WDR49: variants seen among roughly 807,000 people sequenced by gnomAD.
The protein encoded by WDR49 is cilia- and flagella-associated protein 337.
Under a neutral mutation model 119.5 loss-of-function variants are expected in WDR49, and 107 were observed. That is an observed-to-expected ratio of 0.90 (90% CI 0.77 to 1.05). The LOEUF is 1.05. Ranked by LOEUF, WDR49 falls within the 50% of genes least tolerant of loss-of-function variation. The pLI is 0.00. For synonymous variants in WDR49, 425 were observed against 418.8 expected, an observed-to-expected ratio of 1.01 and a Z score of -0.18; for missense variants, 1,240 against 1,220.5, an observed-to-expected ratio of 1.02 and a Z score of -0.24.
chr3:167,520,751 A>T (rs1752405913), intron 16 of WDR49, among the ~76,000 whole-genome samples: 1 of 152,164 alleles, frequency 6.6e-6, no homozygotes, highest in Non-Finnish European at 1.5e-5. Flanking sequence ...TGCCAAAATG[A>T]GGTGGTTAGA....
chr3:167,566,796 T>A (rs1713628156), intron 8 of WDR49: 1 of 614,462 alleles, frequency 1.6e-6, no homozygotes, highest in Admixed American at 2.6e-5. Flanking sequence ...AAAATGTTAT[T>A]AAGAAAATTA....
chr3:167,573,118 G>C (rs562715793), intron 8 of WDR49, among the ~76,000 whole-genome samples: 1 of 152,210 alleles, frequency 6.6e-6, no homozygotes, highest in South Asian at 2.1e-4. Context: ...ACCCTTACAG[G>C]GCTGGCAGCA....
intron 18 of WDR49, among the ~76,000 whole-genome samples, chr3:167,493,870 C>T (rs953664194): frequency 4.6e-5 from 7 of 152,140 alleles, no homozygotes; most frequent in Non-Finnish European, 1.0e-4. Flanking sequence ...AAACTAATGT[C>T]ATTTTCTAAC....
At chr3:167,627,839 T>C (rs1309541019) in intron 2 of WDR49, among the ~76,000 whole-genome samples, 3 of 152,116 alleles carry the variant, frequency 2.0e-5, no homozygotes, top group African/African-American at 7.2e-5. Flanking sequence ...TTTTGCTTTA[T>C]TGTACTTTGC....
At chr3:167,605,237 G>A (rs886874560) in intron 5 of WDR49, among the ~76,000 whole-genome samples, 8 of 152,208 alleles carry the variant, frequency 5.3e-5, no homozygotes, top group African/African-American at 1.9e-4. Context: ...CAATTGGGCT[G>A]TTTCTAAAGG....
At position 167,548,767 on chromosome 3, in the gene WDR49, T is replaced by C. The variant is rs182658176; in HGVS notation, c.1823+5883A>G. Among the ~76,000 whole-genome samples, 218 of 152,282 alleles carry C rather than the reference T, an allele frequency of 1.4e-3. 5 individuals are homozygous for C. The East Asian group carries it at 0.031, about 21-fold the overall frequency. On this transcript the variant is annotated intron_variant, in intron 10 of 18. Coordinates refer to ENST00000682715, the MANE Select transcript of WDR49 (RefSeq NM_001366157.1). ...TGCAGGTTTGTTACATATGTATACATGTGCCATGTTGGTGTGCTGCACCCA... is the reference window on the plus strand; with the variant it reads ...TGCAGGTTTGTTACATATGTATACACGTGCCATGTTGGTGTGCTGCACCCA...
In WDR49 at chr3:167,478,819, T is replaced by G. The variant is rs937005698; in HGVS notation, c.*59A>C. On this transcript the variant is annotated 3_prime_UTR_variant, in exon 19 of 19. Coordinates refer to ENST00000682715, the MANE Select transcript of WDR49 (RefSeq NM_001366157.1). ...ATAAAATAAAAGGCAGAATTCTTGATGCTTTTTCTGCATTTTATATCTGTA... is the reference window on the plus strand; with the variant it reads ...ATAAAATAAAAGGCAGAATTCTTGAGGCTTTTTCTGCATTTTATATCTGTA... The G allele has an allele frequency of 3.4e-6, 4 of 1,189,936 alleles. No individual in the cohort carries two copies. Among genetic ancestry groups the G allele is most frequent in the Middle Eastern group, 2.4e-4 (1 of 4,150 alleles). The allele number at this position is 1,189,936 out of a possible 1,614,324, so 73.7% of individuals were successfully genotyped here.
Position 167,522,326 on chromosome 3 carries a change from G to A in WDR49, c.2763C>T (p.Asp921=), listed in dbSNP as rs1485703772. The change falls in exon 16 of 19, where the codon GAC becomes GAT. Residue 921 remains aspartate, a synonymous_variant. Transcript: ENST00000682715. ...HSLLNKKNKD[D]STYNVRPSED... ...TCAAAATTACTTACTTGTATGTTGA[G>A]TCATCTTTGTTTTTCTTATTAAGTA... 3.2e-6 allele frequency: 5 copies of A among 1,584,406 alleles called. No homozygotes were observed. The highest frequency in any genetic ancestry group is 1.2e-5 in the South Asian group (1 of 85,170).
chr3:167,502,066 G>A (rs1023499882), intron 17 of WDR49, among the ~76,000 whole-genome samples: 1 of 152,130 alleles, frequency 6.6e-6, no homozygotes, highest in African/African-American at 2.4e-5. Context: ...ATTGTTTGGT[G>A]CCATTCCCTT....
chr3:167,568,367 C>T, intron 8 of WDR49, among the ~76,000 whole-genome samples: 1 of 152,180 alleles, frequency 6.6e-6, no homozygotes, highest in East Asian at 1.9e-4. Flanking sequence ...TGTATAATAA[C>T]TGCTCATTCT....
In WDR49 at chr3:167,487,429, G is replaced by T. The variant is rs148892933; in HGVS notation, c.3032-8433C>A. On this transcript the variant is annotated intron_variant, in intron 18 of 18. Transcript: ENST00000682715. ...AAGACCCCAAACTGGAAAAATTCTG[G>T]AAGAAAATCTAGGATATACCCTTCC... Among the ~76,000 whole-genome samples the T allele has an allele frequency of 4.1e-3, 623 of 152,114 alleles. 3 individuals carry two copies. Among genetic ancestry groups the T allele is most frequent in the African/African-American group, 0.014 (582 of 41,508 alleles).
At chr3:167,586,271 G>C (rs1714809137) in intron 7 of WDR49, among the ~76,000 whole-genome samples, 1 of 152,124 alleles carries the variant, frequency 6.6e-6, no homozygotes, top group African/African-American at 2.4e-5. Context: ...TTTGACATAG[G>C]CTTCAAAAAT....
At chr3:167,535,739 A>G (rs1056862920) in intron 11 of WDR49, among the ~76,000 whole-genome samples, 2 of 152,180 alleles carry the variant, frequency 1.3e-5, no homozygotes, top group African/African-American at 2.4e-5. Context: ...CTACTGGGTA[A>G]GGAAATGAAA....
Position 167,508,372 on chromosome 3 carries a change from C to A in WDR49, c.2775-2956G>T, listed in dbSNP as rs141131130. Among the ~76,000 whole-genome samples the A allele has an allele frequency of 2.5e-4, 38 of 152,208 alleles. 2 individuals carry two copies. The East Asian group carries it at 7.1e-3, about 29-fold the overall frequency. On this transcript the variant is annotated intron_variant, in intron 16 of 18. Coordinates refer to ENST00000682715, the MANE Select transcript of WDR49 (RefSeq NM_001366157.1). The stretch of plus-strand genomic sequence containing the variant: ...CTAGTTCACCTCTTGGTTGGTTGAC[C>A]TTGTGCAAATCTGTTAACTTCTCCG...
chr3:167,576,778 G>C (rs1332517387), intron 7 of WDR49, among the ~76,000 whole-genome samples: 1 of 152,106 alleles, frequency 6.6e-6, no homozygotes, highest in Non-Finnish European at 1.5e-5. Context: ...AAATAAATTT[G>C]TGCTGTTTCA....
At chr3:167,502,366 T>C (rs577851913) in intron 17 of WDR49, among the ~76,000 whole-genome samples, 1 of 152,172 alleles carries the variant, frequency 6.6e-6, no homozygotes, top group East Asian at 1.9e-4. Context: ...ACACAGAAAA[T>C]TGGTAACAAG....
chr3:167,638,625 T>C (rs1412722537), intron 2 of WDR49, among the ~76,000 whole-genome samples: 2 of 151,528 alleles, frequency 1.3e-5, no homozygotes, highest in Admixed American at 6.6e-5. Flanking sequence ...GTTTATATCA[T>C]CCCCTGCAAT....
chr3:167,541,474 G>T (rs1408163287), intron 10 of WDR49, among the ~76,000 whole-genome samples: 3 of 151,954 alleles, frequency 2.0e-5, no homozygotes, highest in Non-Finnish European at 4.4e-5. Flanking sequence ...GAAGGAGAAA[G>T]TCTTTTTCAG....
intron 7 of WDR49, among the ~76,000 whole-genome samples, chr3:167,591,310 G>A (rs1439237312): frequency 6.6e-6 from 1 of 152,036 alleles, no homozygotes; most frequent in Non-Finnish European, 1.5e-5. Context: ...TTTAAGACTT[G>A]TTTCATGACC....
Sources: gnomAD v4.1 joint callset for allele counts (sites outside exome capture counted in the v4.1 genomes callset) on GRCh38, gnomAD v4.1.1 for gene constraint, MANE v1.5 for transcripts, NCBI Gene and HGNC (gene_info 2026-07-23, HGNC 2026-07-21) for gene names.